The following PAK2 variants were observed in gnomAD, a reference collection of about 807,000 sequenced individuals.
The protein encoded by PAK2 is p21 (RAC1) activated kinase 2.
A neutral mutation model predicts 65.9 loss-of-function variants in PAK2; 21 were observed. That is an observed-to-expected ratio of 0.32 (90% CI 0.23 to 0.46). The LOEUF is 0.46. Ranked by LOEUF, PAK2 falls within the 20% of genes least tolerant of loss-of-function variation. The probability of loss-of-function intolerance (pLI) is 1.00; values close to 1 mark genes in which losing one functional copy is unlikely to be tolerated. For missense variants in PAK2, 324 were observed against 642.6 expected, an observed-to-expected ratio of 0.50 and a Z score of 5.36; for synonymous variants, 204 against 219.7, an observed-to-expected ratio of 0.93 and a Z score of 0.63.
intron 2 of PAK2, among the ~76,000 whole-genome samples, chr3:196,799,731 T>G (rs1398848722): frequency 6.6e-6 from 1 of 152,156 alleles, no homozygotes; most frequent in African/African-American, 2.4e-5. Flanking sequence ...CTCGGCTCAC[T>G]GCAGCCTCCA....
chr3:196,784,122 ATC>A (rs1714803864), intron 2 of PAK2, among the ~76,000 whole-genome samples: 1 of 151,992 alleles, frequency 6.6e-6, no homozygotes, highest in Non-Finnish European at 1.5e-5. Flanking sequence ...AGCTTAATAA[ATC>A]TGTGTTCAAA....
At chr3:196,774,129 C>T (rs1051252280) in intron 1 of PAK2, among the ~76,000 whole-genome samples, 1 of 152,152 alleles carries the variant, frequency 6.6e-6, no homozygotes, top group Non-Finnish European at 1.5e-5. Flanking sequence ...CTTTGAATTG[C>T]TTGAGGTCTT....
intron 1 of PAK2, among the ~76,000 whole-genome samples, chr3:196,762,354 G>A (rs2108721558): frequency 7.1e-6 from 1 of 139,898 alleles, no homozygotes; most frequent in Admixed American, 7.2e-5. Flanking sequence ...GCGGCTGGGA[G>A]GTGGAGGTTG....
At chr3:196,776,114 A>G (rs1714527016) in intron 1 of PAK2, among the ~76,000 whole-genome samples, 1 of 152,162 alleles carries the variant, frequency 6.6e-6, no homozygotes, top group African/African-American at 2.4e-5. Flanking sequence ...TTTTCCGAAT[A>G]TTCTTAACAC....
chr3:196,800,988 C>T (rs1715408386), intron 2 of PAK2, among the ~76,000 whole-genome samples: 1 of 152,016 alleles, frequency 6.6e-6, no homozygotes, highest in Non-Finnish European at 1.5e-5. Context: ...GGGGAAGGAA[C>T]TGATGTGTTG....
At chr3:196,786,681 T>C (rs1714900202) in intron 2 of PAK2, among the ~76,000 whole-genome samples, 1 of 152,214 alleles carries the variant, frequency 6.6e-6, no homozygotes, top group Non-Finnish European at 1.5e-5. Flanking sequence ...TTGAGTCTTC[T>C]ATTTCCCCAC....
rs1252553025 is a variant in PAK2 at position 196,791,982 on chromosome 3, G to C, written c.187+9149G>C. Among the ~76,000 whole-genome samples the C allele has an allele frequency of 6.6e-6, 1 of 152,060 alleles. No individual in the cohort carries two copies. The highest frequency in any genetic ancestry group is 6.6e-5 in the Admixed American group (1 of 15,248). On this transcript the variant is annotated intron_variant, in intron 2 of 14. Transcript: ENST00000327134. This position sits in a 1 kb window ranked among gnomAD's most constrained non-coding sequence, Gnocchi z 4.0. ...CAGTTTCTTACAACTTCAGACACTA[G>C]TGATAGACTGATTCTCAGGGAGCCG...
chr3:196,823,388 C>G (rs891726284), intron 13 of PAK2, among the ~76,000 whole-genome samples: 2 of 152,088 alleles, frequency 1.3e-5, no homozygotes, highest in African/African-American at 2.4e-5. Flanking sequence ...AGGCTCGCCT[C>G]CAGTGGCCTT....
intron 7 of PAK2, among the ~76,000 whole-genome samples, chr3:196,809,986 G>T (rs958628158): frequency 6.6e-6 from 1 of 151,908 alleles, no homozygotes; most frequent in African/African-American, 2.4e-5. Context: ...ACAAACATAT[G>T]ATTAGTTTAT....
intron 2 of PAK2, among the ~76,000 whole-genome samples, chr3:196,786,664 C>G (rs1362519536): frequency 6.6e-6 from 1 of 151,984 alleles, no homozygotes. Flanking sequence ...TATCCCAGAC[C>G]CATTTATTGA....
At chr3:196,752,214 C>A (rs1344892520) in intron 1 of PAK2, among the ~76,000 whole-genome samples, 1 of 152,160 alleles carries the variant, frequency 6.6e-6, no homozygotes. Context: ...GTGAGTAATA[C>A]TCCATTCTAT....
At chr3:196,826,227 A>G (rs979023635) in intron 13 of PAK2, among the ~76,000 whole-genome samples, 2 of 151,576 alleles carry the variant, frequency 1.3e-5, no homozygotes, top group Non-Finnish European at 2.9e-5. Flanking sequence ...GCTGGAGTGC[A>G]GTGGCGCAAT....
rs114997958 is a variant in PAK2 at position 196,744,539 on chromosome 3, T to C, written c.-22+4382T>C. On this transcript the variant is annotated intron_variant, in intron 1 of 14. Coordinates refer to ENST00000327134, the MANE Select transcript of PAK2 (RefSeq NM_002577.4). Reference sequence around the variant, plus strand: ...GGTGACAGAGCAAGACCCTGTCTTATAAAATTCTTAAAAAGTGAAAATTAC... The same window carrying C: ...GGTGACAGAGCAAGACCCTGTCTTACAAAATTCTTAAAAAGTGAAAATTAC... 1.4e-3 allele frequency among the ~76,000 whole-genome samples: 220 copies of C among 152,318 alleles called. 1 individual carries two copies. The highest frequency in any genetic ancestry group is 4.9e-3 in the African/African-American group (205 of 41,570).
intron 10 of PAK2, among the ~76,000 whole-genome samples, chr3:196,813,638 TGGA>T (rs1329345200): frequency 6.6e-6 from 1 of 152,060 alleles, no homozygotes; most frequent in Admixed American, 6.6e-5. Context: ...TCCCTAGTTA[TGGA>T]GAACATGTTC....
intron 2 of PAK2, among the ~76,000 whole-genome samples, chr3:196,793,091 G>T (rs546408831): frequency 3.9e-5 from 6 of 152,232 alleles, no homozygotes; most frequent in Non-Finnish European, 7.4e-5. Context: ...AGGGGGATTA[G>T]TTGAAAATCA....
Position 196,830,612 on chromosome 3 carries a change from A to G in PAK2, c.*2207A>G, listed in dbSNP as rs1438159436. On this transcript the variant is annotated 3_prime_UTR_variant, in exon 15 of 15. Transcript: ENST00000327134. ...TTTCCATTGATAGAAGCAGTTTGGG[A>G]TTTGTAGTTGCGACTTCTTCGATAG... 6.6e-6 allele frequency: 1 copy of G among 152,136 alleles called. No homozygotes were observed. The highest frequency in any genetic ancestry group is 1.5e-5 in the Non-Finnish European group (1 of 68,020). The allele number at this position is 152,136 out of a possible 1,614,324, so 9.4% of individuals were successfully genotyped here.
At chr3:196,773,129 G>C (rs1170344883) in intron 1 of PAK2, among the ~76,000 whole-genome samples, 1 of 152,186 alleles carries the variant, frequency 6.6e-6, no homozygotes, top group African/African-American at 2.4e-5. Flanking sequence ...TCGTGTCACA[G>C]TTAAACAGTG....
intron 9 of PAK2, 131 bp from the exon 10 acceptor site, chr3:196,812,608 C>T (rs1275701062): frequency 3.3e-6 from 2 of 601,266 alleles, no homozygotes; most frequent in Non-Finnish European, 5.9e-6. Flanking sequence ...GTGTGCAAGG[C>T]AAGGTGCCAC....
intron 11 of PAK2, among the ~76,000 whole-genome samples, chr3:196,815,537 C>CCAG (rs1460735754): frequency 6.6e-6 from 1 of 151,194 alleles, no homozygotes; most frequent in Non-Finnish European, 1.5e-5. Flanking sequence ...GCCTGTAATA[C>CCAG]CAGCACTTTG....
Sources: gnomAD v4.1 joint callset for allele counts (sites outside exome capture counted in the v4.1 genomes callset) on GRCh38, gnomAD v4.1.1 for gene constraint, Gnocchi (gnomAD v3.1) non-coding constraint, MANE v1.5 for transcripts, NCBI Gene and HGNC (gene_info 2026-07-23, HGNC 2026-07-21) for gene names.